The following EEFSEC variants were observed in gnomAD, a reference collection of about 807,000 sequenced individuals.
EEFSEC encodes the protein eukaryotic elongation factor, selenocysteine-tRNA specific.
Under a neutral mutation model 42.1 loss-of-function variants are expected in EEFSEC, and 43 were observed. That is an observed-to-expected ratio of 1.02 (90% CI 0.80 to 1.32). EEFSEC has a LOEUF of 1.32. EEFSEC is among the 40% of genes most tolerant of loss of function. EEFSEC has a pLI of 0.00. For missense variants in EEFSEC, 745 were observed against 803.6 expected, an observed-to-expected ratio of 0.93 and a Z score of 0.88; for synonymous variants, 354 against 339.1, an observed-to-expected ratio of 1.04 and a Z score of -0.48.
At position 128,264,532 on chromosome 3, in the gene EEFSEC, G is replaced by C. The variant is rs1366826362; in HGVS notation, c.622-85G>C. On this transcript the variant is annotated intron_variant, in intron 3 of 6. Coordinates refer to ENST00000254730, the MANE Select transcript of EEFSEC (RefSeq NM_021937.5). ...ACCTTGGCAGCCTTGATGAACTGCT[G>C]GTCAGCCACATTCTCTGCCTTCCTC... The C allele has an allele frequency of 2.0e-6, 3 of 1,476,534 alleles. No individual in the cohort carries two copies. The Admixed American group carries it at 5.7e-5, about 28-fold the overall frequency. The allele number at this position is 1,476,534 out of a possible 1,614,324, so 91.5% of individuals were successfully genotyped here. A position where few individuals can be genotyped will look rare whatever the true frequency, so the allele number is the denominator to read the frequency against.
chr3:128,231,953 A>G (rs1309232832), intron 1 of EEFSEC, among the ~76,000 whole-genome samples: 1 of 152,016 alleles, frequency 6.6e-6, no homozygotes, highest in African/African-American at 2.4e-5. Context: ...GCTGATGGTG[A>G]AGTGTGCTTA....
intron 6 of EEFSEC, among the ~76,000 whole-genome samples, chr3:128,383,690 C>T (rs145283529): frequency 6.6e-5 from 10 of 152,368 alleles, no homozygotes; most frequent in African/African-American, 1.9e-4. Flanking sequence ...GGCACCACCC[C>T]CTTCCTGGCC....
chr3:128,404,547 G>T (rs1001860611), intron 6 of EEFSEC, among the ~76,000 whole-genome samples: 1 of 152,100 alleles, frequency 6.6e-6, no homozygotes, highest in African/African-American at 2.4e-5. Flanking sequence ...GCCATTTGTC[G>T]GGGTCTGCTG....
chr3:128,217,409 A>G (rs1323138479), intron 1 of EEFSEC, among the ~76,000 whole-genome samples: 2 of 152,118 alleles, frequency 1.3e-5, no homozygotes, highest in African/African-American at 4.8e-5. Flanking sequence ...GTTGGGTAGT[A>G]GTGGTGTCCT....
chr3:128,239,327 G>A (rs1367687510), intron 1 of EEFSEC, among the ~76,000 whole-genome samples: 1 of 152,236 alleles, frequency 6.6e-6, no homozygotes, highest in Non-Finnish European at 1.5e-5. Context: ...AGCTCTTACT[G>A]TGCTGGCATA....
At chr3:128,281,501 T>G (rs1576604536) in intron 4 of EEFSEC, among the ~76,000 whole-genome samples, 1 of 151,736 alleles carries the variant, frequency 6.6e-6, no homozygotes, top group South Asian at 2.1e-4. Context: ...GGGGATGGGG[T>G]GGATGAGGAT....
intron 1 of EEFSEC, among the ~76,000 whole-genome samples, chr3:128,221,816 G>C (rs968584464): frequency 3.9e-5 from 6 of 151,990 alleles, no homozygotes; most frequent in Admixed American, 6.6e-5. Flanking sequence ...AAGAATATTT[G>C]AAATGTAAAT....
chr3:128,317,190 C>T lies in EEFSEC; in HGVS notation c.787-24043C>T, dbSNP rs991502982. 2.0e-5 allele frequency among the ~76,000 whole-genome samples: 3 copies of T among 152,174 alleles called. No homozygotes were observed. Among genetic ancestry groups the T allele is most frequent in the Non-Finnish European group, 4.4e-5 (3 of 68,030 alleles). Reference sequence around the variant, plus strand: ...TAGGGCAGCAAGGGCCCCGCAGAAGCAGTGCGTGCTGCTGGCTGGGGGACG... The same window carrying T: ...TAGGGCAGCAAGGGCCCCGCAGAAGTAGTGCGTGCTGCTGGCTGGGGGACG... On this transcript the variant is annotated intron_variant, in intron 4 of 6. Transcript: ENST00000254730. This position sits in a 1 kb window ranked among gnomAD's most constrained non-coding sequence, Gnocchi z 4.1.
intron 5 of EEFSEC, among the ~76,000 whole-genome samples, chr3:128,348,741 A>G (rs1018575176): frequency 2.0e-5 from 3 of 152,200 alleles, no homozygotes; most frequent in Non-Finnish European, 1.5e-5. Flanking sequence ...TCTGGCAAAA[A>G]TGATGTGGGG....
intron 1 of EEFSEC, among the ~76,000 whole-genome samples, chr3:128,226,979 G>A (rs771218913): frequency 5.3e-5 from 8 of 152,148 alleles, no homozygotes; most frequent in Non-Finnish European, 8.8e-5. Context: ...CCTGCCTGTC[G>A]CCTCCACCAG....
In EEFSEC at chr3:128,252,699, A is replaced by G. The variant is rs182802688; in HGVS notation, c.524+5656A>G. Among the ~76,000 whole-genome samples the G allele has an allele frequency of 7.2e-5, 11 of 152,318 alleles. No homozygotes were observed. In the East Asian group the frequency reaches 9.6e-4, roughly 13 times the overall value. ...ATCTTTATATGGATTATAAATTCATATATATATGTATATACACACACATAC... is the reference window on the plus strand; with the variant it reads ...ATCTTTATATGGATTATAAATTCATGTATATATGTATATACACACACATAC... On this transcript the variant is annotated intron_variant, in intron 2 of 6. Transcript: ENST00000254730.
At chr3:128,276,527 CAG>C (rs1389282655) in intron 4 of EEFSEC, among the ~76,000 whole-genome samples, 1 of 152,162 alleles carries the variant, frequency 6.6e-6, no homozygotes, top group Non-Finnish European at 1.5e-5. Flanking sequence ...ATGTTAATAA[CAG>C]AGCCTGCTTT....
At chr3:128,307,348 G>A (rs1180212803) in intron 4 of EEFSEC, among the ~76,000 whole-genome samples, 1 of 152,214 alleles carries the variant, frequency 6.6e-6, no homozygotes, top group Non-Finnish European at 1.5e-5. Flanking sequence ...AAAGGGCTTG[G>A]TTTATTGTTG....
chr3:128,163,938 G>GAAAA (rs34767342), intron 1 of EEFSEC, among the ~76,000 whole-genome samples: 10 of 124,144 alleles, frequency 8.1e-5, no homozygotes, highest in African/African-American at 2.5e-4. Context: ...ATTTTTTTGT[G>GAAAA]AAAAAAAAAA....
intron 6 of EEFSEC, chr3:128,367,837 G>C: frequency 1.0e-6 from 1 of 985,394 alleles, no homozygotes; most frequent in Non-Finnish European, 1.2e-6. Flanking sequence ...ATTTCATCTG[G>C]AATGCCAAGC....
At chr3:128,223,414 A>C (rs2065879482) in intron 1 of EEFSEC, among the ~76,000 whole-genome samples, 1 of 152,196 alleles carries the variant, frequency 6.6e-6, no homozygotes. Flanking sequence ...GCTGGTCAGA[A>C]GTGTGGGTGG....
chr3:128,295,161 C>G (rs748448238), intron 4 of EEFSEC, among the ~76,000 whole-genome samples: 3 of 152,196 alleles, frequency 2.0e-5, no homozygotes, highest in African/African-American at 4.8e-5. Context: ...GCAGCTGATT[C>G]CAGGCACCCC....
In EEFSEC at chr3:128,354,750, G is replaced by C. The variant is rs1447180475; in HGVS notation, c.1444-3467G>C. Among the ~76,000 whole-genome samples, 3 of 152,192 alleles carry C rather than the reference G, an allele frequency of 2.0e-5. No individual in the cohort carries two copies. In the East Asian group the frequency reaches 5.8e-4, roughly 29 times the overall value. ...TCTTTGTGGCATTTAGCTTTTTAAA[G>C]TTAATATTTTATAACCAAAAGAAAG... is the stretch of plus-strand genomic sequence containing the variant. On this transcript the variant is annotated intron_variant, in intron 5 of 6. Transcript: ENST00000254730.
chr3:128,294,454 GAC>G (rs1019588387), intron 4 of EEFSEC, among the ~76,000 whole-genome samples: 3 of 152,204 alleles, frequency 2.0e-5, no homozygotes, highest in Admixed American at 1.3e-4. Context: ...CTCTAGAAAT[GAC>G]ACATAAATTC....
Sources: allele counts gnomAD v4.1 joint callset (sites outside exome capture counted in the v4.1 genomes callset), GRCh38; gene constraint gnomAD v4.1.1; non-coding constraint Gnocchi (gnomAD v3.1); transcripts MANE v1.5; gene names NCBI Gene and HGNC (gene_info 2026-07-23, HGNC 2026-07-21).